CCSER1: variants seen among roughly 807,000 people sequenced by gnomAD.
CCSER1 encodes coiled-coil serine rich protein 1.
Under a neutral mutation model 82.0 loss-of-function variants are expected in CCSER1, and 41 were observed. The ratio of observed to expected loss-of-function variants is 0.50; its 90% CI spans 0.39 to 0.65. The LOEUF (loss-of-function observed/expected upper bound fraction) is 0.65. Among genes scored for constraint, CCSER1 ranks in the 30% least tolerant of loss-of-function variants. CCSER1 has a pLI of 0.00. For synonymous variants in CCSER1, 414 were observed against 383.9 expected (o/e 1.08, Z -0.92); for missense variants, 1,119 against 1,064.2 (o/e 1.05, Z -0.72).
intron 10 of CCSER1, among the ~76,000 whole-genome samples, chr4:91,475,476 T>TATATATA (rs1757542136): frequency 6.6e-6 from 1 of 151,796 alleles, no homozygotes; most frequent in African/African-American, 2.4e-5. Context: ...TTACCTTATA[T>TATATATA]TCTAAAAGGG....
chr4:91,213,345 G>T (rs952918302), intron 10 of CCSER1, among the ~76,000 whole-genome samples: 2 of 152,056 alleles, frequency 1.3e-5, no homozygotes, highest in African/African-American at 4.8e-5. Context: ...TGCTTTCACA[G>T]AACCTAGAGT....
chr4:90,796,980 G>A (rs1197911084), intron 7 of CCSER1, among the ~76,000 whole-genome samples: 1 of 152,128 alleles, frequency 6.6e-6, no homozygotes. Context: ...GGGGTGGAAA[G>A]TTCTGTAGAT....
chr4:90,317,672 C>T (rs1167954449), intron 3 of CCSER1, among the ~76,000 whole-genome samples: 1 of 151,962 alleles, frequency 6.6e-6, no homozygotes, highest in Non-Finnish European at 1.5e-5. Context: ...CCAAATCTAG[C>T]GACTTATATA....
intron 6 of CCSER1, among the ~76,000 whole-genome samples, chr4:90,665,262 C>G (rs1295647790): frequency 6.6e-6 from 1 of 151,760 alleles, no homozygotes; most frequent in Non-Finnish European, 1.5e-5. Context: ...CGCTTTGTGA[C>G]ATATGGCTGT....
intron 6 of CCSER1, among the ~76,000 whole-genome samples, chr4:90,664,272 G>A (rs1281834430): frequency 6.6e-6 from 1 of 152,074 alleles, no homozygotes; most frequent in African/African-American, 2.4e-5. Flanking sequence ...CAGCTAGATG[G>A]CAAGCAATTC....
At chr4:90,252,206 G>T (rs1400994326) in intron 1 of CCSER1, among the ~76,000 whole-genome samples, 1 of 151,774 alleles carries the variant, frequency 6.6e-6, no homozygotes, top group Non-Finnish European at 1.5e-5. Flanking sequence ...ATCCAAAAGT[G>T]CTCCGATGAG....
intron 9 of CCSER1, among the ~76,000 whole-genome samples, chr4:90,978,053 C>T (rs1227254550): frequency 6.6e-6 from 1 of 151,498 alleles, no homozygotes; most frequent in African/African-American, 2.4e-5. Flanking sequence ...AAACATTTGG[C>T]TGGATATTCG....
intron 10 of CCSER1, among the ~76,000 whole-genome samples, chr4:91,438,198 C>T (rs903540728): frequency 2.6e-5 from 4 of 152,216 alleles, no homozygotes; most frequent in Admixed American, 6.5e-5. Flanking sequence ...TCCCTGACCC[C>T]TGACCCCTGA....
intron 9 of CCSER1, among the ~76,000 whole-genome samples, chr4:90,943,729 A>ATTTTTTTTTTTTTTTTTTTT (rs70965460): frequency 3.9e-4 from 27 of 68,882 alleles, no homozygotes; most frequent in East Asian, 1.6e-3. Context: ...TGCCAGGCTA[A>ATTTTTTTTTTTTTTTTTTTT]TTTTTTTTTT....
In CCSER1 at chr4:90,324,779, T is replaced by C. The variant is rs192919334; in HGVS notation, c.1509+11732T>C. ...ATCCTGAATGGTAATGCCTAGGTTT[T>C]CTTCTAGGGTTTTTATGGTTTTAGG... On this transcript the variant is annotated intron_variant, in intron 3 of 10. Coordinates refer to ENST00000509176, the MANE Select transcript of CCSER1 (RefSeq NM_001145065.2). Among the ~76,000 whole-genome samples the C allele has an allele frequency of 2.3e-4, 35 of 152,340 alleles. No homozygotes were observed. The East Asian group carries it at 5.6e-3, about 24-fold the overall frequency.
chr4:90,574,162 T>A (rs1036916445), intron 5 of CCSER1, among the ~76,000 whole-genome samples: 7 of 151,914 alleles, frequency 4.6e-5, no homozygotes, highest in African/African-American at 1.4e-4. Flanking sequence ...TGTTTTTTTT[T>A]AAATGAACCT....
At chr4:91,210,411 C>T (rs530447900) in intron 10 of CCSER1, among the ~76,000 whole-genome samples, 1 of 151,248 alleles carries the variant, frequency 6.6e-6, no homozygotes, top group Admixed American at 6.6e-5. Flanking sequence ...CAATAAAATA[C>T]TTATTAATTG....
At chr4:90,600,644 A>G (rs573323730) in intron 5 of CCSER1, among the ~76,000 whole-genome samples, 1 of 152,182 alleles carries the variant, frequency 6.6e-6, no homozygotes, top group Non-Finnish European at 1.5e-5. Flanking sequence ...TCTTGAAATT[A>G]AGTAGCACTA....
chr4:90,494,849 T>A (rs77201000), intron 5 of CCSER1, among the ~76,000 whole-genome samples: 2,255 of 147,028 alleles, frequency 0.015, 34 homozygotes, highest in African/African-American at 0.048. Context: ...GAAATGGATA[T>A]CCTGGGGTAG....
rs994435823 is a variant in CCSER1 at position 90,683,820 on chromosome 4, CTAA to C, written c.1933-40092_1933-40090del. Among the ~76,000 whole-genome samples the C allele has an allele frequency of 5.5e-4, 83 of 151,998 alleles. 2 individuals are homozygous for C. The highest frequency in any genetic ancestry group is 4.9e-3 in the Admixed American group (74 of 15,240). On this transcript the variant is annotated intron_variant, in intron 6 of 10. Transcript: ENST00000509176. ...AAAAGATAATGTCTCAAGTAGTAAACTAATGAGGGATTGTATGTCTGACAATAG... is the reference window on the plus strand; with the variant it reads ...AAAAGATAATGTCTCAAGTAGTAAACTGAGGGATTGTATGTCTGACAATAG...
intron 10 of CCSER1, among the ~76,000 whole-genome samples, chr4:91,189,281 G>T (rs1161602250): frequency 2.0e-5 from 3 of 152,002 alleles, no homozygotes; most frequent in Admixed American, 2.0e-4. Context: ...TTTGATTTAG[G>T]TAGAATCCAA....
chr4:91,573,677 GCTTTT>G (rs1445694203), intron 10 of CCSER1, among the ~76,000 whole-genome samples: 8 of 152,144 alleles, frequency 5.3e-5, no homozygotes, highest in Non-Finnish European at 1.2e-4. Flanking sequence ...GCCCTGCTTT[GCTTTT>G]CTTTGTTTTC....
At chr4:91,179,820 A>G (rs1581720901) in intron 10 of CCSER1, among the ~76,000 whole-genome samples, 1 of 152,338 alleles carries the variant, frequency 6.6e-6, no homozygotes, top group East Asian at 1.9e-4. Context: ...CGTCAAAGTC[A>G]TTCTCTGTCT....
intron 9 of CCSER1, among the ~76,000 whole-genome samples, chr4:91,000,338 G>A (rs1737923543): frequency 6.6e-6 from 1 of 152,000 alleles, no homozygotes; most frequent in African/African-American, 2.4e-5. Flanking sequence ...TTGTAGTATA[G>A]GTTGAAATTG....
Sources: allele counts gnomAD v4.1 joint callset (sites outside exome capture counted in the v4.1 genomes callset), GRCh38; gene constraint gnomAD v4.1.1; transcripts MANE v1.5; gene names NCBI Gene and HGNC (gene_info 2026-07-23, HGNC 2026-07-21).